Variants in CFAP299 observed in about 807,000 individuals in gnomAD.
The protein encoded by CFAP299 is cilia- and flagella-associated protein 299.
CFAP299 carries 21 observed loss-of-function variants against 27.0 expected under a neutral mutation model. The ratio of observed to expected loss-of-function variants is 0.78; its 90% CI spans 0.55 to 1.12. The LOEUF (loss-of-function observed/expected upper bound fraction) is 1.12. CFAP299 is among the 50% of genes most tolerant of loss of function. The pLI is 0.00. For synonymous variants in CFAP299, 104 were observed against 98.1 expected (o/e 1.06, Z -0.36); for missense variants, 310 against 276.6 (o/e 1.12, Z -0.86).
chr4:80,767,323 T>A (rs1725930753), intron 3 of CFAP299, among the ~76,000 whole-genome samples: 1 of 152,088 alleles, frequency 6.6e-6, no homozygotes, highest in Admixed American at 6.6e-5. Context: ...AAATACCTGG[T>A]ACTAGGTGGG....
In CFAP299 at chr4:80,472,203, C is replaced by T. The variant is rs144737944; in HGVS notation, c.242+109319C>T. 1.6e-4 allele frequency among the ~76,000 whole-genome samples: 24 copies of T among 152,162 alleles called. No individual in the cohort carries two copies. The East Asian group carries it at 4.1e-3, about 26-fold the overall frequency. On this transcript the variant is annotated intron_variant, in intron 2 of 5. Coordinates refer to ENST00000358105, the MANE Select transcript of CFAP299 (RefSeq NM_152770.3). ...AAGATATTTCCCCCCATTTGTGTCTCTTGGAAAGTAGGGATTACAGACTTA... is the reference window on the plus strand; with the variant it reads ...AAGATATTTCCCCCCATTTGTGTCTTTTGGAAAGTAGGGATTACAGACTTA...
At chr4:80,856,573 T>A (rs1444391603) in intron 3 of CFAP299, among the ~76,000 whole-genome samples, 1 of 151,944 alleles carries the variant, frequency 6.6e-6, no homozygotes, top group Non-Finnish European at 1.5e-5. Flanking sequence ...CTTGAATTAA[T>A]TTTTGTATAA....
At chr4:80,674,252 A>G (rs1353694719) in intron 3 of CFAP299, among the ~76,000 whole-genome samples, 2 of 152,094 alleles carry the variant, frequency 1.3e-5, no homozygotes, top group Non-Finnish European at 2.9e-5. Context: ...GCTTGTCTGT[A>G]AAGGATTTTA....
chr4:80,937,298 C>CTTTTTT (rs1203322592), intron 4 of CFAP299, among the ~76,000 whole-genome samples: 19 of 94,354 alleles, frequency 2.0e-4, no homozygotes, highest in African/African-American at 5.6e-4. Context: ...TTTCTTTTTT[C>CTTTTTT]TTTTTTTTTC....
chr4:80,938,986 C>G (rs1737060726), intron 4 of CFAP299, among the ~76,000 whole-genome samples: 1 of 152,098 alleles, frequency 6.6e-6, no homozygotes, highest in Non-Finnish European at 1.5e-5. Flanking sequence ...TTGTTTTACT[C>G]TCTCCTGGCC....
intron 2 of CFAP299, among the ~76,000 whole-genome samples, chr4:80,555,116 G>A (rs1292334260): frequency 1.3e-5 from 2 of 152,118 alleles, no homozygotes; most frequent in Non-Finnish European, 2.9e-5. Flanking sequence ...TGCCCATTCC[G>A]TATGATGTTG....
At chr4:80,584,419 G>A (rs1736328438) in intron 3 of CFAP299, among the ~76,000 whole-genome samples, 1 of 151,936 alleles carries the variant, frequency 6.6e-6, no homozygotes, top group African/African-American at 2.4e-5. Context: ...AAATGTTAGA[G>A]GTCAAGATGT....
intron 3 of CFAP299, among the ~76,000 whole-genome samples, chr4:80,814,698 G>A (rs917987039): frequency 2.6e-5 from 4 of 151,250 alleles, no homozygotes; most frequent in African/African-American, 9.7e-5. Flanking sequence ...TTAAAATAAA[G>A]GTATAAAAAT....
rs1409886129 is a variant in CFAP299, at chr4:80,624,610, C to T, written c.333+41427C>T. Among the ~76,000 whole-genome samples, 2 of 151,926 alleles carry T rather than the reference C, an allele frequency of 1.3e-5. 1 individual carries two copies. The highest frequency in any genetic ancestry group is 4.2e-4 in the South Asian group (2 of 4,816). On this transcript the variant is annotated intron_variant, in intron 3 of 5. Transcript: ENST00000358105. ...AACAATTTTCAAATCTGGAGAAAGACATCAATTTCCAGGTACAACAAGGTC... is the reference window on the plus strand; with the variant it reads ...AACAATTTTCAAATCTGGAGAAAGATATCAATTTCCAGGTACAACAAGGTC...
At chr4:80,764,806 A>G (rs1246029951) in intron 3 of CFAP299, among the ~76,000 whole-genome samples, 1 of 152,100 alleles carries the variant, frequency 6.6e-6, no homozygotes, top group African/African-American at 2.4e-5. Context: ...GACATGGATG[A>G]AGTTGAAAAC....
At chr4:80,534,316 G>GA (rs769690513) in intron 2 of CFAP299, among the ~76,000 whole-genome samples, 1,705 of 109,112 alleles carry the variant, frequency 0.016, 23 homozygotes, top group African/African-American at 0.034. Flanking sequence ...TCACTCTGTG[G>GA]AAAAAAAAAA....
chr4:80,761,330 T>C (rs576592833), intron 3 of CFAP299, among the ~76,000 whole-genome samples: 2 of 152,226 alleles, frequency 1.3e-5, no homozygotes, highest in East Asian at 3.9e-4. Flanking sequence ...GTCACTATTG[T>C]GGTATTTGTT....
intron 2 of CFAP299, among the ~76,000 whole-genome samples, chr4:80,433,382 G>A (rs942807189): frequency 6.6e-6 from 1 of 151,980 alleles, no homozygotes; most frequent in Non-Finnish European, 1.5e-5. Flanking sequence ...GCTTAATTCT[G>A]CTCCTAAGAA....
chr4:80,336,019 A>C (rs1722122969), intron 1 of CFAP299, 140 bp downstream of exon 1: 5 of 620,240 alleles, frequency 8.1e-6, no homozygotes, highest in Admixed American at 2.9e-5. Context: ...GCGACACTAA[A>C]GCCGCTGGCG....
chr4:80,567,529 G>GA (rs892973177), intron 2 of CFAP299, among the ~76,000 whole-genome samples: 9 of 151,322 alleles, frequency 5.9e-5, no homozygotes, highest in African/African-American at 2.2e-4. Context: ...AATAGTTTAC[G>GA]AAAAAAAGGG....
At chr4:80,541,745 G>A (rs1734004242) in intron 2 of CFAP299, among the ~76,000 whole-genome samples, 1 of 152,094 alleles carries the variant, frequency 6.6e-6, no homozygotes. Flanking sequence ...TTAGTGAGGA[G>A]AATAGACATT....
intron 3 of CFAP299, among the ~76,000 whole-genome samples, chr4:80,824,998 G>A (rs1036509499): frequency 6.6e-6 from 1 of 151,664 alleles, no homozygotes; most frequent in Non-Finnish European, 1.5e-5. Context: ...GATACTCAGA[G>A]AACTAAATAA....
At chr4:80,785,671 A>G (rs186194694) in intron 3 of CFAP299, among the ~76,000 whole-genome samples, 1 of 152,300 alleles carries the variant, frequency 6.6e-6, no homozygotes, top group Admixed American at 6.5e-5. Flanking sequence ...TGTTTTAGTT[A>G]GTAAAAATCA....
At chr4:80,812,383 C>T (rs1729201410) in intron 3 of CFAP299, among the ~76,000 whole-genome samples, 1 of 152,064 alleles carries the variant, frequency 6.6e-6, no homozygotes, top group Admixed American at 6.6e-5. Flanking sequence ...GCTAACATTA[C>T]ACATAAGAGA....
Sources: gnomAD v4.1 joint callset for allele counts (sites outside exome capture counted in the v4.1 genomes callset) on GRCh38, gnomAD v4.1.1 for gene constraint, MANE v1.5 for transcripts, NCBI Gene and HGNC (gene_info 2026-07-23, HGNC 2026-07-21) for gene names.